Variants in GALNTL6 observed in about 807,000 individuals in gnomAD.
The protein encoded by GALNTL6 is polypeptide N-acetylgalactosaminyltransferase-like 6.
In GALNTL6, 46 loss-of-function variants were observed where a neutral mutation model predicts 73.7. That is an observed-to-expected ratio of 0.62 (90% CI 0.49 to 0.80). The LOEUF is 0.80. GALNTL6 is among the 30% of genes least tolerant of loss of function. The pLI is 0.00. For synonymous variants in GALNTL6, 259 were observed against 263.7 expected (o/e 0.98, Z 0.17); for missense variants, 604 against 755.0 (o/e 0.80, Z 2.34).
chr4:172,455,832 C>T (rs191921345), intron 5 of GALNTL6, among the ~76,000 whole-genome samples: 89 of 152,350 alleles, frequency 5.8e-4, no homozygotes, highest in African/African-American at 1.8e-3. Context: ...TCTCCCAGCA[C>T]AGCGCTCAAG....
chr4:172,978,408 T>C (rs141483933), intron 10 of GALNTL6, among the ~76,000 whole-genome samples: 135 of 152,270 alleles, frequency 8.9e-4, no homozygotes, highest in Non-Finnish European at 1.5e-3. Flanking sequence ...GACATCTCAC[T>C]CACAGGATAC....
chr4:172,443,818 A>G (rs780748554), intron 5 of GALNTL6, among the ~76,000 whole-genome samples: 1 of 152,218 alleles, frequency 6.6e-6, no homozygotes, highest in Admixed American at 6.6e-5. Context: ...TGGGATCTTT[A>G]TAAGGACACT....
chr4:173,006,216 C>A (rs1214453124), intron 10 of GALNTL6, among the ~76,000 whole-genome samples: 1 of 152,146 alleles, frequency 6.6e-6, no homozygotes. Context: ...CAAATGTGTT[C>A]AGAGCTCCTG....
chr4:172,785,416 T>C (rs1227853742), intron 5 of GALNTL6, among the ~76,000 whole-genome samples: 3 of 151,984 alleles, frequency 2.0e-5, no homozygotes, highest in East Asian at 1.9e-4. Context: ...TTTTCTATTA[T>C]AAGTAAAGGA....
At chr4:172,762,855 A>G (rs1353804311) in intron 5 of GALNTL6, among the ~76,000 whole-genome samples, 2 of 151,986 alleles carry the variant, frequency 1.3e-5, no homozygotes, top group African/African-American at 4.8e-5. Context: ...GGAGGACTCA[A>G]AGATCAGAAA....
chr4:172,604,622 TA>T (rs1172493612), intron 5 of GALNTL6, among the ~76,000 whole-genome samples: 3 of 152,216 alleles, frequency 2.0e-5, no homozygotes. Context: ...AAAATATGAT[TA>T]AACACTAGCT....
At chr4:171,979,602 A>G (rs958423861) in intron 2 of GALNTL6, among the ~76,000 whole-genome samples, 3 of 152,308 alleles carry the variant, frequency 2.0e-5, no homozygotes, top group African/African-American at 7.2e-5. Flanking sequence ...CTGCTAGAAA[A>G]TAGCCTGGGG....
At chr4:171,991,745 T>C (rs1164257190) in intron 2 of GALNTL6, among the ~76,000 whole-genome samples, 1 of 145,488 alleles carries the variant, frequency 6.9e-6, no homozygotes, top group Non-Finnish European at 1.5e-5. Context: ...TATATATATA[T>C]ATATATATAT....
At chr4:172,877,446 A>G (rs909964159) in intron 7 of GALNTL6, among the ~76,000 whole-genome samples, 1 of 152,082 alleles carries the variant, frequency 6.6e-6, no homozygotes, top group Non-Finnish European at 1.5e-5. Flanking sequence ...TTTAGAGAAG[A>G]TGATCAACTA....
chr4:172,281,411 G>A (rs1203297750), intron 3 of GALNTL6, among the ~76,000 whole-genome samples: 1 of 151,892 alleles, frequency 6.6e-6, no homozygotes, highest in East Asian at 1.9e-4. Flanking sequence ...AAAAGACCCT[G>A]TTGACCAGGC....
chr4:172,300,031 G>A (rs111690928), intron 3 of GALNTL6, among the ~76,000 whole-genome samples: 1 of 152,176 alleles, frequency 6.6e-6, no homozygotes, highest in Non-Finnish European at 1.5e-5. Context: ...CTAAGGACTT[G>A]CTTTATGAAT....
chr4:172,627,854 C>G (rs1371947577), intron 5 of GALNTL6, among the ~76,000 whole-genome samples: 1 of 151,584 alleles, frequency 6.6e-6, no homozygotes, highest in Non-Finnish European at 1.5e-5. Flanking sequence ...ATAATGTTAT[C>G]TTTGTCATTC....
At chr4:172,374,053 T>A (rs1742930538) in intron 5 of GALNTL6, among the ~76,000 whole-genome samples, 1 of 151,854 alleles carries the variant, frequency 6.6e-6, no homozygotes, top group African/African-American at 2.4e-5. Context: ...ATCCAGAGAA[T>A]CTTCGTTCTC....
At chr4:172,990,275 C>T (rs62341887) in intron 10 of GALNTL6, among the ~76,000 whole-genome samples, 17,670 of 152,112 alleles carry the variant, frequency 0.12, 1,323 homozygotes, top group Non-Finnish European at 0.18. Context: ...AGAAAACTCA[C>T]GGGTAGTTTC....
At chr4:171,950,406 G>A (rs1227993836) in intron 2 of GALNTL6, among the ~76,000 whole-genome samples, 4 of 151,740 alleles carry the variant, frequency 2.6e-5, no homozygotes, top group African/African-American at 9.7e-5. Flanking sequence ...ACAATAGGAT[G>A]AAGTTTGTGG....
intron 8 of GALNTL6, among the ~76,000 whole-genome samples, chr4:172,901,668 G>A (rs923707427): frequency 9.9e-5 from 15 of 152,042 alleles, no homozygotes; most frequent in Non-Finnish European, 1.3e-4. Flanking sequence ...CTTCATGGCC[G>A]AACGAAAAAA....
chr4:173,034,320 G>A (rs966049957), intron 12 of GALNTL6, among the ~76,000 whole-genome samples: 4 of 152,054 alleles, frequency 2.6e-5, no homozygotes, highest in Non-Finnish European at 4.4e-5. Context: ...TGTGACTCTT[G>A]TTCAAATCTC....
At chr4:171,864,038 A>T (rs1438625726) in intron 2 of GALNTL6, among the ~76,000 whole-genome samples, 2 of 152,196 alleles carry the variant, frequency 1.3e-5, no homozygotes, top group Admixed American at 6.5e-5. Flanking sequence ...CTGGGATTAC[A>T]GGCGTGAGCC....
intron 3 of GALNTL6, among the ~76,000 whole-genome samples, chr4:172,275,276 C>A (rs568562532): frequency 4.6e-5 from 7 of 152,230 alleles, no homozygotes; most frequent in African/African-American, 1.7e-4. Context: ...TAAATCATTT[C>A]TTCGTTATTT....
Sources: gnomAD v4.1 joint callset for allele counts (sites outside exome capture counted in the v4.1 genomes callset) on GRCh38, gnomAD v4.1.1 for gene constraint, MANE v1.5 for transcripts, NCBI Gene and HGNC (gene_info 2026-07-23, HGNC 2026-07-21) for gene names.